Variants in PRKX observed in about 807,000 individuals in gnomAD.
The protein encoded by PRKX is protein kinase cAMP-dependent X-linked catalytic subunit.
PRKX carries 12 observed loss-of-function variants against 22.0 expected under a neutral mutation model. The observed-to-expected ratio is 0.54, with a 90% CI of 0.35 to 0.88. The LOEUF is 0.88. Among genes scored for constraint, PRKX ranks in the 40% least tolerant of loss-of-function variants. PRKX has a pLI of 0.01. For synonymous variants in PRKX, 134 were observed against 137.7 expected, an observed-to-expected ratio of 0.97 and a Z score of 0.19; for missense variants, 217 against 308.0, an observed-to-expected ratio of 0.70 and a Z score of 2.21.
chrX:3,616,385 C>T (rs1047179976), intron 6 of PRKX, among the ~76,000 whole-genome samples: 3 of 111,348 alleles, frequency 2.7e-5, no homozygotes, highest in Admixed American at 9.6e-5. Context: ...CGACATTGCA[C>T]GGCCTGGCAA....
chrX:3,621,905 G>A (rs757121951), intron 5 of PRKX, among the ~76,000 whole-genome samples: 1 of 110,928 alleles, frequency 9.0e-6, no homozygotes, highest in East Asian at 2.8e-4. Context: ...TGGGGAGGCC[G>A]AGGCGGGTGG....
chrX:3,658,094 G>A (rs1324624058), intron 2 of PRKX, among the ~76,000 whole-genome samples: 2 of 110,142 alleles, frequency 1.8e-5, no homozygotes, highest in Non-Finnish European at 3.8e-5. Context: ...GGGTGCAAGC[G>A]ATTCTCCTGC....
At chrX:3,644,888 TAC>T (rs1228868919) in intron 3 of PRKX, among the ~76,000 whole-genome samples, 1 of 111,544 alleles carries the variant, frequency 9.0e-6, no homozygotes, top group African/African-American at 3.3e-5. Flanking sequence ...CTTCTCCACT[TAC>T]CTTTTGAAAG....
intron 1 of PRKX, among the ~76,000 whole-genome samples, chrX:3,700,888 C>A (rs755470452): frequency 9.0e-6 from 1 of 111,532 alleles, no homozygotes; most frequent in South Asian, 3.8e-4. Flanking sequence ...AGGTGTTCAG[C>A]CACCAAGCCC....
intron 4 of PRKX, among the ~76,000 whole-genome samples, chrX:3,635,979 G>C (rs1233316127): frequency 8.9e-6 from 1 of 112,136 alleles, no homozygotes; most frequent in East Asian, 2.8e-4. Context: ...AATCGGAGCT[G>C]AGCTTGGGTC....
At chrX:3,680,340 C>T (rs1928047076) in intron 1 of PRKX, among the ~76,000 whole-genome samples, 1 of 110,834 alleles carries the variant, frequency 9.0e-6, no homozygotes, top group South Asian at 3.9e-4. Context: ...GACAGGGTTT[C>T]ACCATGTTGG....
intron 3 of PRKX, among the ~76,000 whole-genome samples, chrX:3,648,633 T>TGTGTGCGCGC (rs1555894778): frequency 9.5e-6 from 1 of 105,472 alleles, no homozygotes; most frequent in African/African-American, 3.5e-5. Flanking sequence ...TGTGTGTGTG[T>TGTGTGCGCGC]GTGTGTGTGT....
In PRKX at chrX:3,674,827, C is replaced by G. The variant is rs1927917946; in HGVS notation, c.167-61G>C. On this transcript the variant is annotated intron_variant, in intron 1 of 8. Transcript: ENST00000262848. ...CTTCCGACAAAGGAAGAAACCACCA[C>G]AGCCATGCAATCAGCGGGGGGCTGC... is the stretch of plus-strand genomic sequence containing the variant. 2.6e-6 allele frequency: 3 copies of G among 1,166,631 alleles called. No individual in the cohort carries two copies. In the Admixed American group the frequency reaches 6.5e-5, roughly 25 times the overall value.
chrX:3,711,126 G>C (rs187187940), intron 1 of PRKX, among the ~76,000 whole-genome samples: 5 of 111,539 alleles, frequency 4.5e-5, no homozygotes, highest in African/African-American at 1.3e-4. Context: ...AAGCTGTGCA[G>C]TTGTCATGAG....
chrX:3,670,045 GCCCCA>G (rs1927816326), intron 2 of PRKX: 1 of 123,589 alleles, frequency 8.1e-6, no homozygotes. Context: ...GTGCAGGACG[GCCCCA>G]CCCCAGAGAC....
chrX:3,703,825 C>T (rs767845377), intron 1 of PRKX, among the ~76,000 whole-genome samples: 34 of 108,521 alleles, frequency 3.1e-4, no homozygotes, highest in African/African-American at 1.1e-3. Flanking sequence ...GCACCCACTA[C>T]GGTGCCCAGC....
At chrX:3,631,292 G>A (rs1221538254) in intron 4 of PRKX, among the ~76,000 whole-genome samples, 1 of 112,584 alleles carries the variant, frequency 8.9e-6, no homozygotes, top group Non-Finnish European at 1.9e-5. Context: ...GAATTAAGGA[G>A]CTTCAGATGA....
chrX:3,649,951 G>C (rs917940633), intron 3 of PRKX, among the ~76,000 whole-genome samples: 1 of 109,568 alleles, frequency 9.1e-6, no homozygotes, highest in African/African-American at 3.3e-5. Context: ...ACCAGCCCTG[G>C]CAACATAGTG....
chrX:3,604,921 A>T lies in PRKX; in HGVS notation c.*4048T>A, dbSNP rs1317485766. On this transcript the variant is annotated 3_prime_UTR_variant, in exon 9 of 9. Transcript: ENST00000262848. ...AGAGCATCCCTGCTATTAGGAAGGG[A>T]CTGTTCTGCGGGGTGCAAGGCCATA... 2 of 109,809 alleles carry T rather than the reference A, an allele frequency of 1.8e-5. No individual in the cohort carries two copies. The highest frequency in any genetic ancestry group is 3.8e-5 in the Non-Finnish European group (2 of 52,742). 9.0% of individuals were successfully genotyped at this position (109,809 alleles called of 1,213,427 possible).
chrX:3,649,018 T>C (rs2146578595), intron 3 of PRKX, among the ~76,000 whole-genome samples: 1 of 111,575 alleles, frequency 9.0e-6, no homozygotes, highest in South Asian at 3.8e-4. Context: ...AAACCATCTG[T>C]TATGGTTTAA....
At chrX:3,712,247 C>A (rs1928805706) in intron 1 of PRKX, among the ~76,000 whole-genome samples, 1 of 111,467 alleles carries the variant, frequency 9.0e-6, no homozygotes, top group South Asian at 3.9e-4. Context: ...ACAGCCAACA[C>A]CCCACTTAGC....
At chrX:3,701,275 A>ATTTTTT (rs200514701) in intron 1 of PRKX, among the ~76,000 whole-genome samples, 2 of 110,442 alleles carry the variant, frequency 1.8e-5, no homozygotes, top group African/African-American at 6.6e-5. Context: ...CACACGGCTG[A>ATTTTTT]TTTTATTTTT....
At chrX:3,649,022 G>A (rs1443297228) in intron 3 of PRKX, among the ~76,000 whole-genome samples, 1 of 111,669 alleles carries the variant, frequency 9.0e-6, no homozygotes, top group Non-Finnish European at 1.9e-5. Flanking sequence ...CATCTGTTAT[G>A]GTTTAAAGAC....
At chrX:3,620,657 G>A (rs6641804) in intron 6 of PRKX, among the ~76,000 whole-genome samples, 19,391 of 111,746 alleles carry the variant, frequency 0.17, 1,519 homozygotes, top group African/African-American at 0.3. Context: ...CGCAACTAAG[G>A]GATTTAGGTT....
Sources: gnomAD v4.1 joint callset for allele counts (sites outside exome capture counted in the v4.1 genomes callset) on GRCh38, gnomAD v4.1.1 for gene constraint, MANE v1.5 for transcripts, NCBI Gene and HGNC (gene_info 2026-07-23, HGNC 2026-07-21) for gene names.